The following NXNL2 variants were observed in gnomAD, a reference collection of about 807,000 sequenced individuals.
NXNL2 encodes nucleoredoxin like 2, also known as nucleoredoxin-like protein 2.
A neutral mutation model predicts 11.1 loss-of-function variants in NXNL2; 7 were observed. The observed-to-expected ratio is 0.63, with a 90% CI of 0.36 to 1.18. NXNL2 has a LOEUF of 1.18. NXNL2 is among the 50% of genes most tolerant of loss of function. The pLI is 0.02. For synonymous variants in NXNL2, 109 were observed against 101.8 expected, an observed-to-expected ratio of 1.07 and a Z score of -0.42; for missense variants, 233 against 217.7, an observed-to-expected ratio of 1.07 and a Z score of -0.44.
At chr9:88,570,366 C>A (rs879632182) in intron 1 of NXNL2, among the ~76,000 whole-genome samples, 1 of 152,204 alleles carries the variant, frequency 6.6e-6, no homozygotes, top group Non-Finnish European at 1.5e-5. Context: ...GATCCCCATG[C>A]CTTGGCCTCC....
intron 1 of NXNL2, 102 bp downstream of exon 1, chr9:88,535,838 C>CA: frequency 1.2e-6 from 1 of 853,276 alleles, no homozygotes; most frequent in Non-Finnish European, 1.8e-6. Flanking sequence ...GACGCCCCCC[C>CA]CCAACACCTC....
chr9:88,570,118 T>C lies in NXNL2; in HGVS notation c.303-969T>C. ...TTTTTTTTTAATTAATTAATTTTTT[T>C]ATTTTTATTTTTATTTTTGAGACAG... On this transcript the variant is annotated intron_variant, in intron 1 of 2. Coordinates refer to the NXNL2 transcript ENST00000375855. Among the ~76,000 whole-genome samples, 5 of 151,998 alleles carry C rather than the reference T, an allele frequency of 3.3e-5. 1 individual carries two copies. In the Middle Eastern group the frequency reaches 0.014, roughly 414 times the overall value.
At chr9:88,566,576 T>G (rs1429595287) in intron 1 of NXNL2, among the ~76,000 whole-genome samples, 1 of 152,216 alleles carries the variant, frequency 6.6e-6, no homozygotes, top group African/African-American at 2.4e-5. Context: ...GTTCTGGGAT[T>G]ACAGGCATGA....
chr9:88,557,589 C>T (rs1830034817), intron 1 of NXNL2, among the ~76,000 whole-genome samples: 1 of 152,192 alleles, frequency 6.6e-6, no homozygotes, highest in Admixed American at 6.6e-5. Context: ...GGAGTGGAGC[C>T]ACCAACAGCT....
chr9:88,556,103 C>T lies in NXNL2; in HGVS notation c.303-14984C>T, dbSNP rs1020917395. Among the ~76,000 whole-genome samples the T allele has an allele frequency of 8.5e-5, 13 of 152,214 alleles. 1 individual carries two copies. The highest frequency in any genetic ancestry group is 7.8e-4 in the Admixed American group (12 of 15,288). On this transcript the variant is annotated intron_variant, in intron 1 of 2. Coordinates refer to the NXNL2 transcript ENST00000375855. ...AAGCGGGTGTTACAGTGGGTCACAA[C>T]TCTGGCTCAGGGAGTCCCGAGGTCT...
intron 1 of NXNL2, among the ~76,000 whole-genome samples, chr9:88,564,869 A>G (rs1830144807): frequency 6.6e-6 from 1 of 152,074 alleles, no homozygotes; most frequent in Admixed American, 6.6e-5. Context: ...TTATTTTTGT[A>G]AGAAGACTTC....
At chr9:88,563,865 C>T (rs1412803596) in intron 1 of NXNL2, among the ~76,000 whole-genome samples, 1 of 152,108 alleles carries the variant, frequency 6.6e-6, no homozygotes. Flanking sequence ...CCTTCCCTGA[C>T]CCTCCCATTC....
At position 88,573,429 on chromosome 9, in the gene NXNL2, C is replaced by T. The variant is rs373544486; in HGVS notation, c.*17-1658C>T. 3.3e-4 allele frequency among the ~76,000 whole-genome samples: 51 copies of T among 152,342 alleles called. No homozygotes were observed. The South Asian group carries it at 8.7e-3, about 26-fold the overall frequency. On this transcript the variant is annotated intron_variant, in intron 2 of 2. Coordinates refer to the NXNL2 transcript ENST00000375855. The stretch of plus-strand genomic sequence containing the variant: ...AAAGTGCTGCGATTACACGCATGAG[C>T]CACTGTGCCTGGCCATACAGTAGTC...
chr9:88,562,389 G>C (rs910582105), intron 1 of NXNL2, among the ~76,000 whole-genome samples: 1 of 152,024 alleles, frequency 6.6e-6, no homozygotes, highest in Non-Finnish European at 1.5e-5. Flanking sequence ...TGTTCACTTC[G>C]TGAAAATCCA....
At position 88,535,371 on chromosome 9, in the gene NXNL2, C is replaced by CT; in HGVS notation, c.-63dup. 1 of 1,451,428 alleles carries CT rather than the reference C, an allele frequency of 6.9e-7. No individual in the cohort carries two copies. Among genetic ancestry groups the CT allele is most frequent in the Non-Finnish European group, 9.1e-7 (1 of 1,102,634 alleles). 89.9% of individuals were successfully genotyped at this position (1,451,428 alleles called of 1,614,324 possible). ...GGGGCACCGCGGCGCTCGCCGCCGC[C>CT]TCCCCGCAGGTGATCATCCTCCTGC... On this transcript the variant is annotated 5_prime_UTR_variant, in exon 1 of 2. Coordinates refer to ENST00000375854, the MANE Select transcript of NXNL2 (RefSeq NM_001161625.2).
intron 1 of NXNL2, among the ~76,000 whole-genome samples, chr9:88,563,025 T>C (rs552547463): frequency 2.1e-4 from 31 of 150,892 alleles, no homozygotes; most frequent in African/African-American, 7.6e-4. Flanking sequence ...GAGGTGGAGG[T>C]TGCAGTGAGC....
chr9:88,550,649 G>A (rs1033648948), intron 1 of NXNL2, among the ~76,000 whole-genome samples: 3 of 152,160 alleles, frequency 2.0e-5, no homozygotes, highest in African/African-American at 7.2e-5. Context: ...AAAACTTGGG[G>A]TCAGCAGAAA....
chr9:88,575,656 A>G (rs952762043), exon 3 of NXNL2: 2 of 152,232 alleles, frequency 1.3e-5, no homozygotes, highest in Admixed American at 6.5e-5. Context: ...AGGTACAAAA[A>G]AATACAAAGA....
At chr9:88,562,980 C>T (rs561910197) in intron 1 of NXNL2, among the ~76,000 whole-genome samples, 6 of 148,628 alleles carry the variant, frequency 4.0e-5, no homozygotes, top group South Asian at 4.3e-4. Context: ...CCCAGCTACT[C>T]GGGAGGCTGA....
chr9:88,562,173 G>A (rs1830093150), intron 1 of NXNL2, among the ~76,000 whole-genome samples: 1 of 152,180 alleles, frequency 6.6e-6, no homozygotes, highest in Non-Finnish European at 1.5e-5. Flanking sequence ...AAAGGAGCCA[G>A]GCACACAGAG....
rs1829581288 is a variant in NXNL2 at position 88,535,367 on chromosome 9, C to A, written c.-68C>A. ...AGGCGGGGCACCGCGGCGCTCGCCG[C>A]CGCCTCCCCGCAGGTGATCATCCTC... On this transcript the variant is annotated 5_prime_UTR_variant, in exon 1 of 2. Coordinates refer to ENST00000375854, the MANE Select transcript of NXNL2 (RefSeq NM_001161625.2). The A allele has an allele frequency of 7.0e-7, 1 of 1,434,402 alleles. No homozygotes were observed. Among genetic ancestry groups the A allele is most frequent in the Admixed American group, 2.7e-5 (1 of 37,392 alleles). 88.9% of individuals were successfully genotyped at this position (1,434,402 alleles called of 1,614,324 possible). A position where few individuals can be genotyped will look rare whatever the true frequency, so the allele number is the denominator to read the frequency against.
chr9:88,568,841 G>T (rs1389085482), intron 1 of NXNL2, among the ~76,000 whole-genome samples: 1 of 152,128 alleles, frequency 6.6e-6, no homozygotes, highest in Non-Finnish European at 1.5e-5. Context: ...ATGGTTTGAT[G>T]AGAACCCACT....
rs1438347260 is a variant in NXNL2 at position 88,535,366 on chromosome 9, G to A, written c.-69G>A. On this transcript the variant is annotated 5_prime_UTR_variant, in exon 1 of 2. Coordinates refer to ENST00000375854, the MANE Select transcript of NXNL2 (RefSeq NM_001161625.2). ...GAGGCGGGGCACCGCGGCGCTCGCC[G>A]CCGCCTCCCCGCAGGTGATCATCCT... 1.1e-5 allele frequency: 15 copies of A among 1,428,038 alleles called. No individual in the cohort carries two copies. The highest frequency in any genetic ancestry group is 5.7e-5 in the African/African-American group (4 of 69,866). 88.5% of individuals were successfully genotyped at this position (1,428,038 alleles called of 1,614,324 possible).
chr9:88,540,935 A>ATTTTTTTTTT (rs71507764), intron 1 of NXNL2, among the ~76,000 whole-genome samples: 2 of 91,076 alleles, frequency 2.2e-5, no homozygotes, highest in African/African-American at 9.9e-5. Context: ...ATCTCAGTAG[A>ATTTTTTTTTT]TTTTTTTTTT....
Sources: allele counts gnomAD v4.1 joint callset (sites outside exome capture counted in the v4.1 genomes callset), GRCh38; gene constraint gnomAD v4.1.1; transcripts MANE v1.5; gene names NCBI Gene and HGNC (gene_info 2026-07-23, HGNC 2026-07-21).